The following DAB1 variants were observed in gnomAD, a reference collection of about 807,000 sequenced individuals.
DAB1 encodes the protein disabled homolog 1.
In DAB1, 15 loss-of-function variants were observed where a neutral mutation model predicts 64.6. The ratio of observed to expected loss-of-function variants is 0.23; its 90% CI spans 0.16 to 0.36. The LOEUF (loss-of-function observed/expected upper bound fraction) is 0.36. DAB1 is among the 10% of genes least tolerant of loss of function. The probability of loss-of-function intolerance (pLI) is 1.00; values close to 1 mark genes in which losing one functional copy is unlikely to be tolerated. For missense variants in DAB1, 596 were observed against 706.7 expected, an observed-to-expected ratio of 0.84 and a Z score of 1.78; for synonymous variants, 235 against 251.9, an observed-to-expected ratio of 0.93 and a Z score of 0.64.
chr1:57,274,857 C>T (rs901629134), intron 2 of DAB1, among the ~76,000 whole-genome samples: 2 of 150,514 alleles, frequency 1.3e-5, no homozygotes, highest in Non-Finnish European at 2.9e-5. Context: ...GCTGGGATTA[C>T]ATGTGTGAGC....
chr1:57,695,385 A>AAAGAAAGAAAAGAAAG (rs1646826707), intron 6 of DAB1, among the ~76,000 whole-genome samples: 1 of 74,228 alleles, frequency 1.3e-5, no homozygotes, highest in Non-Finnish European at 3.0e-5. Context: ...AGAAAGAAAG[A>AAAGAAAGAAAAGAAAG]AAGAAAGAAA....
intron 7 of DAB1, among the ~76,000 whole-genome samples, chr1:57,589,782 A>G (rs1645422314): frequency 6.6e-6 from 1 of 152,212 alleles, no homozygotes; most frequent in South Asian, 2.1e-4. Flanking sequence ...CAAAAGACTT[A>G]GAAAAGAAAT....
At chr1:58,300,545 AAAGAAAGAAAG>A (rs1347638378) in intron 4 of DAB1, among the ~76,000 whole-genome samples, 11 of 20,930 alleles carry the variant, frequency 5.3e-4, no homozygotes, top group Non-Finnish European at 1.1e-3. Flanking sequence ...GAAACTCTGA[AAAGAAAGAAAG>A]AAAGAAAGAA....
At chr1:57,877,176 T>G (rs138639607) in intron 1 of DAB1, among the ~76,000 whole-genome samples, 3 of 152,174 alleles carry the variant, frequency 2.0e-5, no homozygotes, top group Non-Finnish European at 2.9e-5. Context: ...TTAAGACACA[T>G]GCCCAAAGCC....
At chr1:58,284,009 A>G (rs1661625932) in intron 4 of DAB1, among the ~76,000 whole-genome samples, 1 of 49,040 alleles carries the variant, frequency 2.0e-5, no homozygotes, top group Non-Finnish European at 4.1e-5. Context: ...CATAAATAAT[A>G]GAAGGGAAAA....
At chr1:58,264,933 G>A (rs185349932) in intron 4 of DAB1, among the ~76,000 whole-genome samples, 7 of 152,180 alleles carry the variant, frequency 4.6e-5, no homozygotes, top group South Asian at 2.1e-4. Flanking sequence ...TGATTTGCAC[G>A]GTCCTAGAAG....
At chr1:57,178,142 T>C (rs1662530486) in intron 2 of DAB1, among the ~76,000 whole-genome samples, 2 of 152,124 alleles carry the variant, frequency 1.3e-5, no homozygotes, top group South Asian at 4.1e-4. Context: ...ACTCACTGTT[T>C]GTAAGATTAG....
At chr1:57,746,032 C>A (rs1157169281) in intron 6 of DAB1, among the ~76,000 whole-genome samples, 1 of 152,138 alleles carries the variant, frequency 6.6e-6, no homozygotes, top group African/African-American at 2.4e-5. Flanking sequence ...CACCATTAGT[C>A]TATTCTTTTT....
intron 2 of DAB1, among the ~76,000 whole-genome samples, chr1:57,221,649 A>G (rs567071735): frequency 4.6e-5 from 7 of 152,284 alleles, no homozygotes; most frequent in African/African-American, 1.7e-4. Flanking sequence ...AAGGCCTTTG[A>G]GAATAACATC....
At chr1:57,871,039 C>T (rs1170126266) in intron 1 of DAB1, among the ~76,000 whole-genome samples, 1 of 152,122 alleles carries the variant, frequency 6.6e-6, no homozygotes, top group Admixed American at 6.6e-5. Flanking sequence ...TCATAAAGCA[C>T]CTAAAAGTGC....
intron 1 of DAB1, among the ~76,000 whole-genome samples, chr1:58,529,240 C>T (rs1475467889): frequency 1.3e-5 from 2 of 152,156 alleles, no homozygotes; most frequent in African/African-American, 2.4e-5. Flanking sequence ...GAATTTTGCA[C>T]ATTAGATTTA....
In DAB1 at chr1:58,413,633, G is replaced by A. The variant is rs577683316; in HGVS notation, n.258-70230C>T. Among the ~76,000 whole-genome samples the A allele has an allele frequency of 3.9e-4, 60 of 152,292 alleles. 1 individual carries two copies. The highest frequency in any genetic ancestry group is 1.3e-3 in the African/African-American group (52 of 41,570). ...ACAGTCCAGGGTGCTGGGGGTCTGC[G>A]TTGAGTGAGAATGCCATGCTGCTAA... On this transcript the variant is annotated intron_variant and non_coding_transcript_variant, in intron 3 of 20. Coordinates refer to the DAB1 transcript ENST00000485760.
chr1:57,777,706 T>C (rs901891932), intron 6 of DAB1, among the ~76,000 whole-genome samples: 6 of 152,088 alleles, frequency 3.9e-5, no homozygotes, highest in African/African-American at 1.4e-4. Flanking sequence ...TAGTAGCTAT[T>C]TTAAAGTTCT....
Position 58,433,170 on chromosome 1 carries a change from T to C in DAB1, n.257+72890A>G, listed in dbSNP as rs528835910. 8.9e-4 allele frequency among the ~76,000 whole-genome samples: 136 copies of C among 152,312 alleles called. No homozygotes were observed. The Middle Eastern group carries it at 0.01, about 11-fold the overall frequency. On this transcript the variant is annotated intron_variant and non_coding_transcript_variant, in intron 3 of 20. Transcript: ENST00000485760. ...GACTGTAGGGCTTCTCTCATGAAGG[T>C]GGCAGGATTGCACATTTGGTGGGTA...
At chr1:57,098,249 C>T (rs988217976) in intron 4 of DAB1, among the ~76,000 whole-genome samples, 6 of 152,170 alleles carry the variant, frequency 3.9e-5, no homozygotes, top group Non-Finnish European at 8.8e-5. Flanking sequence ...TATTTACTGT[C>T]TACTTGGTGC....
intron 2 of DAB1, among the ~76,000 whole-genome samples, chr1:57,221,493 T>C (rs1226415240): frequency 6.6e-6 from 1 of 152,140 alleles, no homozygotes; most frequent in Non-Finnish European, 1.5e-5. Flanking sequence ...ACATTTCTTT[T>C]ACCCAAATCT....
chr1:57,580,668 A>T (rs376469609), intron 7 of DAB1, among the ~76,000 whole-genome samples: 58 of 152,286 alleles, frequency 3.8e-4, no homozygotes, highest in African/African-American at 1.3e-3. Flanking sequence ...CCATACAGGG[A>T]CTTAGCCATG....
intron 7 of DAB1, among the ~76,000 whole-genome samples, chr1:57,512,965 C>G (rs1336114272): frequency 6.6e-6 from 1 of 152,180 alleles, no homozygotes; most frequent in Non-Finnish European, 1.5e-5. Context: ...TAGACCAGGG[C>G]TGTGCCTCTC....
intron 3 of DAB1, among the ~76,000 whole-genome samples, chr1:58,429,887 A>G (rs1644853353): frequency 6.6e-6 from 1 of 152,236 alleles, no homozygotes; most frequent in Non-Finnish European, 1.5e-5. Flanking sequence ...TGGAGGCTGG[A>G]AAGTCCAAGA....
Sources: allele counts gnomAD v4.1 joint callset (sites outside exome capture counted in the v4.1 genomes callset), GRCh38; gene constraint gnomAD v4.1.1; transcripts MANE v1.5; gene names NCBI Gene and HGNC (gene_info 2026-07-23, HGNC 2026-07-21).